The following ADSS1 variants were observed in gnomAD, a reference collection of about 807,000 sequenced individuals.
ADSS1 encodes adenylosuccinate synthase 1, also known as adenylosuccinate synthetase isozyme 1.
A neutral mutation model predicts 59.1 loss-of-function variants in ADSS1; 57 were observed. The ratio of observed to expected loss-of-function variants is 0.97; its 90% confidence interval spans 0.78 to 1.20. ADSS1 has a LOEUF of 1.20. Ranked by LOEUF, ADSS1 falls within the 50% of genes most tolerant of loss-of-function variation. The pLI, the probability that ADSS1 is intolerant of heterozygous loss-of-function variation, is 0.00. For missense variants in ADSS1, 603 were observed against 610.3 expected (o/e 0.99, Z 0.13); for synonymous variants, 247 against 249.4 (o/e 0.99, Z 0.09).
Position 104,741,896 on chromosome 14 carries a change from G to A in ADSS1, c.842G>A (p.Cys281Tyr), listed in dbSNP as rs1447103735. 3.7e-6 allele frequency: 6 copies of A among 1,613,388 alleles called. No homozygotes were observed. The highest frequency in any genetic ancestry group is 2.7e-5 in the African/African-American group (2 of 74,940). Residue 281 changes from cysteine to tyrosine, a missense_variant, in exon 9 of 13, where the codon TGC becomes TAC. Transcript: ENST00000330877. The part of the protein sequence containing the change: ...TSSNCTVGGV[C>Y]TGLGIPPQNI... ...TCCAACTGCACCGTGGGCGGTGTGT[G>A]CACGGGCCTGGGCATCCCCCCGCAG...
chr14:104,746,758 T>G lies in ADSS1; in HGVS notation c.1322-193T>G, dbSNP rs148332656. On this transcript the variant is annotated intron_variant, in intron 12 of 12. Transcript: ENST00000330877. Reference sequence around the variant, plus strand: ...CAAGGAAGAAGGGAGGAGACTCCTGTTTTCCGCTGCGGGAGGATCAGTCCC... The same window carrying G: ...CAAGGAAGAAGGGAGGAGACTCCTGGTTTCCGCTGCGGGAGGATCAGTCCC... 2.1e-3 allele frequency among the ~76,000 whole-genome samples: 325 copies of G among 152,342 alleles called. 4 individuals are homozygous for G. The South Asian group carries it at 0.028, about 13-fold the overall frequency.
chr14:104,729,944 A>G, intron 1 of ADSS1: 1 of 1,572,426 alleles, frequency 6.4e-7, no homozygotes, highest in East Asian at 2.4e-5. Flanking sequence ...AGGTGGGCAG[A>G]GGCCCACGAA....
rs183698358 is a variant in ADSS1, at chr14:104,733,463, G to A, written c.193-1557G>A. On this transcript the variant is annotated intron_variant, in intron 1 of 12. Transcript: ENST00000330877. ...GGGTTGCCCTGCCACGAGGCGCCGG[G>A]GCTGTTTCCGTGTAACTCTTGTCCA... 3.9e-5 allele frequency among the ~76,000 whole-genome samples: 6 copies of A among 152,354 alleles called. No individual in the cohort carries two copies. In the East Asian group the frequency reaches 9.7e-4, roughly 25 times the overall value.
chr14:104,742,250 G>A (rs1179959135), intron 9 of ADSS1, among the ~76,000 whole-genome samples: 1 of 152,260 alleles, frequency 6.6e-6, no homozygotes, highest in East Asian at 1.9e-4. Context: ...ACACGTACAC[G>A]TGACCTCGTT....
At chr14:104,727,065 G>A (rs1485264384) in intron 1 of ADSS1, among the ~76,000 whole-genome samples, 3 of 152,186 alleles carry the variant, frequency 2.0e-5, no homozygotes, top group Non-Finnish European at 4.4e-5. Flanking sequence ...GGCAAGAGTT[G>A]CTGCTTTGCT....
chr14:104,724,290 C>T lies in ADSS1; in HGVS notation c.20C>T (p.Ser7Phe). The T allele has an allele frequency of 3.2e-6, 4 of 1,231,814 alleles. No individual in the cohort carries two copies. Among genetic ancestry groups the T allele is most frequent in the Non-Finnish European group, 4.1e-6 (4 of 986,176 alleles). 76.3% of individuals were successfully genotyped at this position (1,231,814 alleles called of 1,614,324 possible). MSGTRA[S>F]NDRPPGAGGV... ...GCCAGCATGTCGGGGACCCGAGCCT[C>T]CAACGACCGGCCCCCCGGCGCAGGC... The change falls in exon 1 of 13, where the codon TCC becomes TTC. Residue 7 changes from serine (S) to phenylalanine (F), a missense_variant. Coordinates refer to ENST00000330877, the MANE Select transcript of ADSS1 (RefSeq NM_152328.5).
At chr14:104,730,363 G>A (rs1164552879) in intron 1 of ADSS1, 4 of 878,894 alleles carry the variant, frequency 4.6e-6, no homozygotes, top group Middle Eastern at 3.6e-4. Context: ...GCTGGTGGGC[G>A]CCTGTAGTCC....
intron 1 of ADSS1, among the ~76,000 whole-genome samples, chr14:104,733,137 G>A (rs1890990892): frequency 6.6e-6 from 1 of 152,106 alleles, no homozygotes; most frequent in South Asian, 2.1e-4. Flanking sequence ...GCCTCCAGGT[G>A]CCCTCAGACC....
intron 1 of ADSS1, among the ~76,000 whole-genome samples, chr14:104,729,554 C>A (rs1194990891): frequency 0.01 from 990 of 97,244 alleles, 89 homozygotes; most frequent in African/African-American, 0.046. Flanking sequence ...AGCGTGGCGT[C>A]GGCGTGGTGG....
intron 8 of ADSS1, 131 bp from the exon 9 acceptor site, chr14:104,741,717 T>A: frequency 3.5e-6 from 4 of 1,132,922 alleles, no homozygotes; most frequent in Non-Finnish European, 5.0e-6. Flanking sequence ...CAGGCCAGGC[T>A]GGCGACCCCA....
intron 2 of ADSS1, among the ~76,000 whole-genome samples, 167 bp downstream of exon 2, chr14:104,735,289 TGCATA>T: frequency 1.3e-5 from 2 of 152,278 alleles, no homozygotes; most frequent in South Asian, 4.1e-4. Context: ...CACAGAAACC[TGCATA>T]GCCCGGGCCT....
intron 5 of ADSS1, 82 bp downstream of exon 5, chr14:104,739,898 G>C (rs1595207964): frequency 6.8e-7 from 1 of 1,465,112 alleles, no homozygotes; most frequent in East Asian, 2.3e-5. Context: ...TCTGGTCCTG[G>C]GCACAACGAG....
intron 11 of ADSS1, chr14:104,745,474 C>T (rs1324367684): frequency 6.4e-6 from 1 of 155,140 alleles, no homozygotes; most frequent in Non-Finnish European, 1.4e-5. Context: ...GACCTCGGTC[C>T]AGGGTCATGT....
chr14:104,742,028 C>T (rs373284058), intron 9 of ADSS1, 26 bp downstream of exon 9: 10 of 1,609,572 alleles, frequency 6.2e-6, no homozygotes, highest in Middle Eastern at 1.8e-4. Context: ...CTCGGGACCC[C>T]GTGGGAGGAC....
chr14:104,746,362 T>C lies in ADSS1; in HGVS notation c.1298T>C (p.Val433Ala). 1.2e-6 allele frequency: 2 copies of C among 1,612,906 alleles called. No individual in the cohort carries two copies. Among genetic ancestry groups the C allele is most frequent in the Non-Finnish European group, 1.7e-6 (2 of 1,179,348 alleles). ...CAGGCCCAGAACTACATCCGCTTTG[T>C]GGAGAATCACGTGGGAGTCGCAGGT... ...PPQAQNYIRFVENHVGVAVKW... is the reference protein window; with the variant it reads ...PPQAQNYIRFAENHVGVAVKW... The change falls in exon 12 of 13, where the codon GTG becomes GCG. Residue 433 changes from valine (V) to alanine (A), a missense_variant. By Grantham distance (64) the Val-to-Ala change is moderately conservative. Coordinates refer to ENST00000330877, the MANE Select transcript of ADSS1 (RefSeq NM_152328.5).
rs951759246 is a variant in ADSS1, at chr14:104,739,240, C to T, written c.359-88C>T. ...CTGCATGCCTTACCTGGATGGGAGC[C>T]GGGCGAGCTAGCCCAGCTCTGGCCC... On this transcript the variant is annotated intron_variant, in intron 3 of 12. Coordinates refer to ENST00000330877, the MANE Select transcript of ADSS1 (RefSeq NM_152328.5). 77 of 1,406,002 alleles carry T rather than the reference C, an allele frequency of 5.5e-5. No homozygotes were observed. The East Asian group carries it at 1.3e-3, about 24-fold the overall frequency. 87.1% of individuals were successfully genotyped at this position (1,406,002 alleles called of 1,614,324 possible). A position where few individuals can be genotyped will look rare whatever the true frequency, so the allele number is the denominator to read the frequency against.
intron 1 of ADSS1, among the ~76,000 whole-genome samples, chr14:104,730,758 C>T (rs1566794906): frequency 1.3e-5 from 2 of 152,104 alleles, no homozygotes; most frequent in East Asian, 3.9e-4. Context: ...GGCCACAGGG[C>T]CGTGCCTTCC....
intron 10 of ADSS1, 85 bp downstream of exon 10, chr14:104,743,276 T>G (rs553673564): frequency 3.2e-6 from 5 of 1,558,394 alleles, no homozygotes; most frequent in Non-Finnish European, 4.3e-6. Context: ...ACGCAGGGGC[T>G]GAGGGCCACC....
At chr14:104,745,654 G>A (rs1595215738) in intron 11 of ADSS1, 1 of 152,620 alleles carries the variant, frequency 6.6e-6, no homozygotes, top group African/African-American at 2.4e-5. Context: ...TGACCTTTGA[G>A]AGGCTGCACT....
Sources: gnomAD v4.1 joint callset for allele counts (sites outside exome capture counted in the v4.1 genomes callset) on GRCh38, gnomAD v4.1.1 for gene constraint, MANE v1.5 for transcripts, NCBI Gene and HGNC (gene_info 2026-07-23, HGNC 2026-07-21) for gene names.